The following KCNQ3 variants were observed in gnomAD, a reference collection of about 807,000 sequenced individuals.
KCNQ3 encodes potassium voltage-gated channel subfamily Q member 3, also known as potassium voltage-gated channel subfamily KQT member 3.
A neutral mutation model predicts 92.5 loss-of-function variants in KCNQ3; 30 were observed. That is an observed-to-expected ratio of 0.32 (90% confidence interval 0.24 to 0.44). The LOEUF (loss-of-function observed/expected upper bound fraction) is 0.44. Among genes scored for constraint, KCNQ3 ranks in the 20% least tolerant of loss-of-function variants. The pLI, the probability that KCNQ3 is intolerant of heterozygous loss-of-function variation, is 1.00. For missense variants in KCNQ3, 913 were observed against 1,140.3 expected (o/e 0.80, Z 2.87); for synonymous variants, 450 against 468.8 (o/e 0.96, Z 0.52).
At chr8:132,245,055 A>G (rs890411040) in intron 1 of KCNQ3, among the ~76,000 whole-genome samples, 4 of 151,672 alleles carry the variant, frequency 2.6e-5, no homozygotes, top group Non-Finnish European at 5.9e-5. Flanking sequence ...ACCTTTTTTT[A>G]GCATCTTGAA....
rs572122477 is a variant in KCNQ3, at chr8:132,155,648, C to T, written c.1262+7820G>A. 7.2e-5 allele frequency among the ~76,000 whole-genome samples: 11 copies of T among 152,278 alleles called. No homozygotes were observed. In the South Asian group the frequency reaches 2.3e-3, roughly 32 times the overall value. On this transcript the variant is annotated intron_variant, in intron 9 of 14. Coordinates refer to ENST00000388996, the MANE Select transcript of KCNQ3 (RefSeq NM_004519.4). ...CAACATTATTAAAAGTAATCTGTAA[C>T]GTGCAACGTCTAACGTGGCAAAACA...
intron 1 of KCNQ3, among the ~76,000 whole-genome samples, chr8:132,201,693 G>T (rs1017029836): frequency 6.6e-6 from 1 of 152,132 alleles, no homozygotes; most frequent in Non-Finnish European, 1.5e-5. Flanking sequence ...GACCCTCCAG[G>T]CCGTGGCCCC....
At chr8:132,311,734 A>G (rs749400298) in intron 1 of KCNQ3, among the ~76,000 whole-genome samples, 19 of 152,200 alleles carry the variant, frequency 1.2e-4, no homozygotes, top group Non-Finnish European at 2.4e-4. Context: ...ACTGAGGAAA[A>G]AAATTGGTCA....
chr8:132,356,705 T>A (rs1167225676), intron 1 of KCNQ3, among the ~76,000 whole-genome samples: 1 of 152,208 alleles, frequency 6.6e-6, no homozygotes, highest in Non-Finnish European at 1.5e-5. Flanking sequence ...GGAAAGGGAC[T>A]GTGATTAATG....
chr8:132,415,747 A>T (rs1820782715), intron 1 of KCNQ3, among the ~76,000 whole-genome samples: 2 of 152,138 alleles, frequency 1.3e-5, no homozygotes, highest in African/African-American at 4.8e-5. Flanking sequence ...AAAAAAAGCT[A>T]CTTAGGGAGC....
At chr8:132,230,826 A>AC in intron 1 of KCNQ3, among the ~76,000 whole-genome samples, 1 of 152,198 alleles carries the variant, frequency 6.6e-6, no homozygotes, top group African/African-American at 2.4e-5. Flanking sequence ...TCCACTTCTT[A>AC]CCCCCTTACT....
intron 1 of KCNQ3, among the ~76,000 whole-genome samples, chr8:132,379,614 T>C (rs535089101): frequency 6.6e-6 from 1 of 152,190 alleles, no homozygotes; most frequent in Non-Finnish European, 1.5e-5. Flanking sequence ...TTATCCTGAT[T>C]CCTAAATATG....
At chr8:132,456,626 G>C (rs940072874) in intron 1 of KCNQ3, among the ~76,000 whole-genome samples, 1 of 145,338 alleles carries the variant, frequency 6.9e-6, no homozygotes, top group African/African-American at 2.5e-5. Flanking sequence ...ATTTTTTTTT[G>C]AGATGGAGTC....
intron 9 of KCNQ3, among the ~76,000 whole-genome samples, chr8:132,145,526 T>C (rs577630012): frequency 1.3e-5 from 2 of 151,972 alleles, no homozygotes; most frequent in East Asian, 3.9e-4. Context: ...TCAACAAAAA[T>C]GTGTTCCACA....
chr8:132,360,029 T>A (rs1050555630), intron 1 of KCNQ3, among the ~76,000 whole-genome samples: 2 of 152,212 alleles, frequency 1.3e-5, no homozygotes, highest in Non-Finnish European at 2.9e-5. Flanking sequence ...CCTTGACTTC[T>A]GGTTCTCACT....
At chr8:132,190,688 C>A (rs182389221) in intron 1 of KCNQ3, among the ~76,000 whole-genome samples, 1 of 152,304 alleles carries the variant, frequency 6.6e-6, no homozygotes, top group Admixed American at 6.5e-5. Context: ...TCGTGAGATG[C>A]TCAGCAGAGG....
intron 8 of KCNQ3, among the ~76,000 whole-genome samples, chr8:132,166,708 C>T (rs998727125): frequency 3.9e-5 from 6 of 152,104 alleles, no homozygotes; most frequent in African/African-American, 1.4e-4. Flanking sequence ...AACAGACCAC[C>T]GTCATCCATC....
chr8:132,408,176 T>C (rs547550472), intron 1 of KCNQ3, among the ~76,000 whole-genome samples: 1 of 151,988 alleles, frequency 6.6e-6, no homozygotes, highest in African/African-American at 2.4e-5. Context: ...AAAAAATCAT[T>C]GTGGACTATA....
chr8:132,424,248 T>G (rs148692256), intron 1 of KCNQ3, among the ~76,000 whole-genome samples: 4 of 151,950 alleles, frequency 2.6e-5, no homozygotes, highest in African/African-American at 9.7e-5. Flanking sequence ...TTCCACAGAA[T>G]AGACGTGCCC....
rs1199601773 is a variant in KCNQ3 at position 132,121,159 on chromosome 8, G to A, written c.*8103C>T. The A allele has an allele frequency of 6.6e-6, 1 of 152,086 alleles. No individual in the cohort carries two copies. The highest frequency in any genetic ancestry group is 1.5e-5 in the Non-Finnish European group (1 of 68,012). 9.4% of individuals were successfully genotyped at this position (152,086 alleles called of 1,614,324 possible). On this transcript the variant is annotated 3_prime_UTR_variant, in exon 15 of 15. Coordinates refer to ENST00000388996, the MANE Select transcript of KCNQ3 (RefSeq NM_004519.4). Reference sequence around the variant, plus strand: ...AGGGAGCAAGGCACCAGAATTCTATGCCATAAAAAGGGGTTAAAAAATACA... The same window carrying A: ...AGGGAGCAAGGCACCAGAATTCTATACCATAAAAAGGGGTTAAAAAATACA...
At chr8:132,189,907 A>AAAAAAAAAAAAAAAAG (rs1480816124) in intron 1 of KCNQ3, among the ~76,000 whole-genome samples, 1 of 132,218 alleles carries the variant, frequency 7.6e-6, no homozygotes, top group African/African-American at 3.5e-5. Flanking sequence ...AAAAAAAAAA[A>AAAAAAAAAAAAAAAAG]AGAGAGAGAG....
chr8:132,285,767 G>T (rs543964438), intron 1 of KCNQ3, among the ~76,000 whole-genome samples: 3 of 152,302 alleles, frequency 2.0e-5, no homozygotes, highest in East Asian at 3.9e-4. Flanking sequence ...GATCAAGGTT[G>T]TCCCTCCCAT....
At chr8:132,352,450 A>C (rs142338020) in intron 1 of KCNQ3, among the ~76,000 whole-genome samples, 12 of 152,278 alleles carry the variant, frequency 7.9e-5, no homozygotes, top group African/African-American at 2.4e-4. Context: ...AACAATGCTA[A>C]TGCTGGAAAA....
Position 132,273,616 on chromosome 8 carries a change from G to A in KCNQ3, c.387-87435C>T, listed in dbSNP as rs1015726689. ...TATAGTGGGCCTGAATTTCTCCTCA[G>A]AAAATGGGATTTTCTTTTCTAATGT... On this transcript the variant is annotated intron_variant, in intron 1 of 14. Coordinates refer to ENST00000388996, the MANE Select transcript of KCNQ3 (RefSeq NM_004519.4). 2.0e-5 allele frequency among the ~76,000 whole-genome samples: 3 copies of A among 152,168 alleles called. No homozygotes were observed. The East Asian group carries it at 5.8e-4, about 29-fold the overall frequency.
Sources: allele counts gnomAD v4.1 joint callset (sites outside exome capture counted in the v4.1 genomes callset), GRCh38; gene constraint gnomAD v4.1.1; transcripts MANE v1.5; gene names NCBI Gene and HGNC (gene_info 2026-07-23, HGNC 2026-07-21).